The following PECAM1 variants were observed in gnomAD, a reference collection of about 807,000 sequenced individuals.
PECAM1 encodes platelet endothelial cell adhesion molecule.
In PECAM1, 8 loss-of-function variants were observed where a neutral mutation model predicts 13.8. The observed-to-expected ratio is 0.58, with a 90% CI of 0.34 to 1.05. PECAM1 has a LOEUF of 1.05. Among genes scored for constraint, PECAM1 ranks in the 50% least tolerant of loss-of-function variants. PECAM1 has a pLI of 0.03. For missense variants in PECAM1, 304 were observed against 141.2 expected (o/e 2.15, Z -5.84); for synonymous variants, 136 against 52.6 (o/e 2.58, Z -6.86).
At chr17:64,347,188 G>A (rs1201686352) in intron 13 of PECAM1, among the ~76,000 whole-genome samples, 2 of 151,996 alleles carry the variant, frequency 1.3e-5, no homozygotes, top group Non-Finnish European at 2.9e-5. Flanking sequence ...GGGCAACATG[G>A]CGAAACCCTG....
intron 9 of PECAM1, 77 bp from the exon 10 acceptor site, chr17:64,353,595 A>G (rs1396057144): frequency 6.8e-6 from 3 of 438,144 alleles, no homozygotes; most frequent in Admixed American, 3.9e-5. Flanking sequence ...CAAAACGCCA[A>G]TGGCTTTTGC....
At chr17:64,356,606 G>A (rs2143796076) in intron 7 of PECAM1, among the ~76,000 whole-genome samples, 1 of 152,030 alleles carries the variant, frequency 6.6e-6, no homozygotes, top group East Asian at 1.9e-4. Context: ...CTCCCGAGTA[G>A]CTGGAATGAC....
rs1045989582 is a variant in PECAM1 at position 64,373,041 on chromosome 17, G to A, written c.691+2010C>T. On this transcript the variant is annotated intron_variant, in intron 4 of 15. Transcript: ENST00000563924. ...GCAGGAGAATCGCTTGAACCCGGGAGGCGGAGGTTGCGGTGAGCTGAGATT... is the reference window on the plus strand; with the variant it reads ...GCAGGAGAATCGCTTGAACCCGGGAAGCGGAGGTTGCGGTGAGCTGAGATT... Among the ~76,000 whole-genome samples the A allele has an allele frequency of 2.6e-5, 4 of 151,632 alleles. No individual in the cohort carries two copies. The South Asian group carries it at 6.2e-4, about 24-fold the overall frequency.
chr17:64,357,152 T>C (rs1410762329), intron 7 of PECAM1, among the ~76,000 whole-genome samples: 1 of 152,182 alleles, frequency 6.6e-6, no homozygotes, highest in Non-Finnish European at 1.5e-5. Flanking sequence ...CTTCCCTTCT[T>C]ACCTGGCACC....
chr17:64,327,695 A>T (rs1555645947), intron 15 of PECAM1, among the ~76,000 whole-genome samples: 2 of 152,174 alleles, frequency 1.3e-5, no homozygotes, highest in Non-Finnish European at 1.5e-5. Context: ...TTTATAAACA[A>T]GGTAAAAATG....
At position 64,322,155 on chromosome 17, in the gene PECAM1, G is replaced by T; in HGVS notation, c.*1661C>A. The T allele has an allele frequency of 1.1e-6, 1 of 881,048 alleles. No individual in the cohort carries two copies. Among genetic ancestry groups the T allele is most frequent in the Non-Finnish European group, 1.4e-6 (1 of 723,614 alleles). 54.6% of individuals were successfully genotyped at this position (881,048 alleles called of 1,614,324 possible). A position where few individuals can be genotyped will look rare whatever the true frequency, so the allele number is the denominator to read the frequency against. On this transcript the variant is annotated 3_prime_UTR_variant, in exon 16 of 16. Transcript: ENST00000563924. ...CCTGTGGAGCACACATGAGGACAAG[G>T]CGGGCAGATCACCAAAGGTCAGGCA...
chr17:64,332,747 C>A (rs1338519413), intron 14 of PECAM1, among the ~76,000 whole-genome samples: 4 of 152,212 alleles, frequency 2.6e-5, no homozygotes, highest in Non-Finnish European at 4.4e-5. Flanking sequence ...CCTGTCACGG[C>A]TACTCTCGGC....
chr17:64,351,768 T>C (rs1356377810), intron 11 of PECAM1, among the ~76,000 whole-genome samples: 1 of 152,134 alleles, frequency 6.6e-6, no homozygotes, highest in Non-Finnish European at 1.5e-5. Flanking sequence ...CAGGACTTTT[T>C]GTGATGTAAT....
chr17:64,359,471 G>A (rs935103341), intron 7 of PECAM1, among the ~76,000 whole-genome samples: 2 of 152,108 alleles, frequency 1.3e-5, no homozygotes, highest in East Asian at 1.9e-4. Context: ...AGGGTTGCCC[G>A]GCTAGGAGTC....
intron 5 of PECAM1, among the ~76,000 whole-genome samples, chr17:64,364,116 A>T (rs2036048091): frequency 1.3e-5 from 2 of 152,278 alleles, no homozygotes; most frequent in South Asian, 4.1e-4. Context: ...AATCAAATAC[A>T]CGCAATAAAA....
chr17:64,334,721 A>C (rs920402239), intron 14 of PECAM1, among the ~76,000 whole-genome samples: 11 of 151,996 alleles, frequency 7.2e-5, no homozygotes, highest in African/African-American at 1.2e-4. Flanking sequence ...GTTAGCCAGG[A>C]TGGTCTCGAT....
chr17:64,371,143 C>A (rs1465215506), intron 4 of PECAM1, among the ~76,000 whole-genome samples: 1 of 152,056 alleles, frequency 6.6e-6, no homozygotes, highest in Non-Finnish European at 1.5e-5. Context: ...AAAAATGAAA[C>A]CATAGCACAG....
intron 3 of PECAM1, among the ~76,000 whole-genome samples, chr17:64,376,847 G>T (rs1051802889): frequency 6.6e-6 from 1 of 152,066 alleles, no homozygotes; most frequent in Non-Finnish European, 1.5e-5. Flanking sequence ...ACAGTGGCGC[G>T]TGCCTGTAAT....
At chr17:64,351,544 C>T (rs1367140307) in intron 11 of PECAM1, among the ~76,000 whole-genome samples, 1 of 151,976 alleles carries the variant, frequency 6.6e-6, no homozygotes, top group Non-Finnish European at 1.5e-5. Context: ...TGGTAGAGTG[C>T]CATCTCTACA....
intron 15 of PECAM1, among the ~76,000 whole-genome samples, chr17:64,327,272 C>A (rs1220455159): frequency 6.6e-6 from 1 of 152,250 alleles, no homozygotes; most frequent in Non-Finnish European, 1.5e-5. Context: ...GATCAACCAG[C>A]TTTTATATGG....
rs1196660765 is a variant in PECAM1 at position 64,362,837 on chromosome 17, C to CA, written c.1216+311dup. On this transcript the variant is annotated intron_variant, in intron 6 of 15. Coordinates refer to ENST00000563924, the MANE Select transcript of PECAM1 (RefSeq NM_000442.5). ...GCACTCTAGCCTGGGCGACACGTCT[C>CA]AAAAAAAAAAAAAAGAAAAGTTTAA... Among the ~76,000 whole-genome samples, 1,036 of 143,554 alleles carry CA rather than the reference C, an allele frequency of 7.2e-3. 18 individuals carry two copies. Among genetic ancestry groups the CA allele is most frequent in the African/African-American group, 0.027 (989 of 36,956 alleles). 94.2% of individuals were successfully genotyped at this position (143,554 alleles called of 152,430 possible).
intron 2 of PECAM1, among the ~76,000 whole-genome samples, chr17:64,383,645 C>G (rs1218452817): frequency 6.6e-6 from 1 of 152,194 alleles, no homozygotes; most frequent in Non-Finnish European, 1.5e-5. Context: ...ACAACCCTTG[C>G]GTGAGCCTCC....
At chr17:64,329,123 C>T (rs1303737112) in intron 15 of PECAM1, among the ~76,000 whole-genome samples, 1 of 152,162 alleles carries the variant, frequency 6.6e-6, no homozygotes, top group Non-Finnish European at 1.5e-5. Context: ...TGCCATCACT[C>T]CATTCATTCT....
chr17:64,369,273 T>C (rs956558507), intron 5 of PECAM1, among the ~76,000 whole-genome samples: 5 of 152,136 alleles, frequency 3.3e-5, no homozygotes, highest in Non-Finnish European at 5.9e-5. Context: ...GCTTTCTCAT[T>C]TGTGGCCCTG....
Sources: allele counts gnomAD v4.1 joint callset (sites outside exome capture counted in the v4.1 genomes callset), GRCh38; gene constraint gnomAD v4.1.1; transcripts MANE v1.5; gene names NCBI Gene and HGNC (gene_info 2026-07-23, HGNC 2026-07-21).